The following UGT8 variants were observed in gnomAD, a reference collection of about 807,000 sequenced individuals.
UGT8 encodes the protein UDP glycosyltransferase 8, also known as 2-hydroxyacylsphingosine 1-beta-galactosyltransferase.
Under a neutral mutation model 40.5 loss-of-function variants are expected in UGT8, and 12 were observed. The ratio of observed to expected loss-of-function variants is 0.30; its 90% confidence interval spans 0.19 to 0.48. The LOEUF (loss-of-function observed/expected upper bound fraction) is 0.48, where lower values mean the gene tolerates loss of function less well. Ranked by LOEUF, UGT8 falls within the 20% of genes least tolerant of loss-of-function variation. The probability of loss-of-function intolerance (pLI) is 0.99; values close to 1 mark genes in which losing one functional copy is unlikely to be tolerated. For missense variants in UGT8, 513 were observed against 648.7 expected, an observed-to-expected ratio of 0.79 and a Z score of 2.27; for synonymous variants, 224 against 240.4, an observed-to-expected ratio of 0.93 and a Z score of 0.63.
chr4:114,652,875 A>G (rs1411258412), intron 2 of UGT8, among the ~76,000 whole-genome samples: 1 of 152,064 alleles, frequency 6.6e-6, no homozygotes, highest in Non-Finnish European at 1.5e-5. Context: ...TTGTTTATGC[A>G]GGAAAAGAAT....
chr4:114,669,137 T>C (rs1320793838), intron 5 of UGT8, among the ~76,000 whole-genome samples: 2 of 152,166 alleles, frequency 1.3e-5, no homozygotes, highest in African/African-American at 2.4e-5. Flanking sequence ...AAAAATTATT[T>C]CATATAAAAG....
chr4:114,657,859 G>A (rs1459177516), intron 2 of UGT8, among the ~76,000 whole-genome samples: 2 of 152,156 alleles, frequency 1.3e-5, no homozygotes, highest in Non-Finnish European at 2.9e-5. Context: ...TATCGTAAGT[G>A]TTTTTAGAGA....
At chr4:114,664,190 G>T in intron 3 of UGT8, 53 bp downstream of exon 3, 2 of 1,590,082 alleles carry the variant, frequency 1.3e-6, no homozygotes, top group Non-Finnish European at 1.7e-6. Context: ...ATATCTCCTT[G>T]TTTAGTGCAC....
At chr4:114,656,575 C>G (rs1421541048) in intron 2 of UGT8, among the ~76,000 whole-genome samples, 2 of 152,156 alleles carry the variant, frequency 1.3e-5, no homozygotes, top group Admixed American at 1.3e-4. Flanking sequence ...GCACCTACTG[C>G]ATCTTACACC....
chr4:114,644,648 A>G (rs1196663413), intron 2 of UGT8, among the ~76,000 whole-genome samples: 1 of 152,176 alleles, frequency 6.6e-6, no homozygotes, highest in Non-Finnish European at 1.5e-5. Flanking sequence ...GGATGAATTG[A>G]TACAATTTAT....
At chr4:114,617,434 G>A (rs1578409755) in intron 1 of UGT8, among the ~76,000 whole-genome samples, 1 of 152,070 alleles carries the variant, frequency 6.6e-6, no homozygotes. Context: ...AATGCTTTTG[G>A]CTTCCTCTCT....
At chr4:114,649,552 A>G (rs112859350) in intron 2 of UGT8, among the ~76,000 whole-genome samples, 1,639 of 152,276 alleles carry the variant, frequency 0.011, 28 homozygotes, top group African/African-American at 0.037. Context: ...CTGCTCTACC[A>G]TCCTCCTGTG....
At chr4:114,645,345 T>A (rs1335423986) in intron 2 of UGT8, among the ~76,000 whole-genome samples, 1 of 152,146 alleles carries the variant, frequency 6.6e-6, no homozygotes, top group Non-Finnish European at 1.5e-5. Context: ...TCCTATGAGG[T>A]GTAAGAAGTA....
At chr4:114,639,423 T>C (rs556326897) in intron 2 of UGT8, among the ~76,000 whole-genome samples, 1 of 152,200 alleles carries the variant, frequency 6.6e-6, no homozygotes, top group South Asian at 2.1e-4. Flanking sequence ...AAGCCAAGAG[T>C]TGGAATGGGA....
At chr4:114,640,232 G>T (rs1011297057) in intron 2 of UGT8, among the ~76,000 whole-genome samples, 4 of 151,268 alleles carry the variant, frequency 2.6e-5, no homozygotes, top group African/African-American at 9.7e-5. Flanking sequence ...GGGTTTCACC[G>T]TGTTAGCCAG....
intron 1 of UGT8, among the ~76,000 whole-genome samples, chr4:114,602,424 A>G (rs1166660772): frequency 2.6e-5 from 4 of 152,234 alleles, no homozygotes; most frequent in African/African-American, 9.6e-5. Context: ...AAATCTACTT[A>G]TGGAGGAGGT....
At chr4:114,630,618 A>C (rs1428033604) in intron 2 of UGT8, among the ~76,000 whole-genome samples, 3 of 150,556 alleles carry the variant, frequency 2.0e-5, no homozygotes, top group Non-Finnish European at 4.4e-5. Context: ...TGACACTGGT[A>C]CTTCTGTTTC....
In UGT8 at chr4:114,654,917, G is replaced by A. The variant is rs1734086102; in HGVS notation, c.823-9078G>A. Among the ~76,000 whole-genome samples, 3 of 151,938 alleles carry A rather than the reference G, an allele frequency of 2.0e-5. No individual in the cohort carries two copies. The South Asian group carries it at 6.2e-4, about 31-fold the overall frequency. ...GGAAATACTAATTTAGCTGTTTATG[G>A]GAACATACAGTCTGCCACACAATAT... On this transcript the variant is annotated intron_variant, in intron 2 of 5. Transcript: ENST00000310836.
At chr4:114,656,656 C>T (rs1734204159) in intron 2 of UGT8, 1 of 338,154 alleles carries the variant, frequency 3.0e-6, no homozygotes, top group South Asian at 2.5e-5. Context: ...GTTGAAAGAA[C>T]AGGTCTCACA....
In UGT8 at chr4:114,675,912, C is replaced by T. The variant is rs368034436; in HGVS notation, c.1263-13C>T. 2.6e-5 allele frequency: 41 copies of T among 1,595,412 alleles called. No homozygotes were observed. The African/African-American group carries it at 5.1e-4, about 20-fold the overall frequency. On this transcript the variant is annotated splice_polypyrimidine_tract_variant and intron_variant, in intron 5 of 5. Coordinates refer to ENST00000310836, the MANE Select transcript of UGT8 (RefSeq NM_001128174.3). ...TAAGCATCATCATTCTGTGTTTTGT[C>T]CCCTCTCCATAGCTACCGTCAGAGG...
intron 2 of UGT8, among the ~76,000 whole-genome samples, chr4:114,647,488 C>T (rs935520191): frequency 5.3e-5 from 8 of 151,882 alleles, no homozygotes; most frequent in Non-Finnish European, 1.2e-4. Context: ...GCCTCAGCCT[C>T]CTGAGTAGCT....
In UGT8 at chr4:114,665,542, C is replaced by T; in HGVS notation, c.966-138C>T. ...AACTTAATCAAATATTTGCTGTTAC[C>T]AAAGCATGGTTTCATTCTTAAGAAT... On this transcript the variant is annotated intron_variant, in intron 3 of 5. Transcript: ENST00000310836. 1.2e-5 allele frequency: 15 copies of T among 1,258,332 alleles called. No individual in the cohort carries two copies. The South Asian group carries it at 1.3e-4, about 11-fold the overall frequency. 77.9% of individuals were successfully genotyped at this position (1,258,332 alleles called of 1,614,324 possible). A position where few individuals can be genotyped will look rare whatever the true frequency, so the allele number is the denominator to read the frequency against.
chr4:114,634,745 G>C (rs189879193), intron 2 of UGT8, among the ~76,000 whole-genome samples: 6 of 152,200 alleles, frequency 3.9e-5, no homozygotes, highest in Non-Finnish European at 7.3e-5. Flanking sequence ...TGAATATCTA[G>C]TCCTTGACAA....
intron 2 of UGT8, among the ~76,000 whole-genome samples, chr4:114,642,229 G>A (rs944523555): frequency 6.6e-6 from 1 of 151,232 alleles, no homozygotes; most frequent in South Asian, 2.1e-4. Context: ...TTTTTTTAGC[G>A]ATTTATATCT....
Sources: gnomAD v4.1 joint callset for allele counts (sites outside exome capture counted in the v4.1 genomes callset) on GRCh38, gnomAD v4.1.1 for gene constraint, MANE v1.5 for transcripts, NCBI Gene and HGNC (gene_info 2026-07-23, HGNC 2026-07-21) for gene names.